HDAC4: variants seen among roughly 807,000 people sequenced by gnomAD.
HDAC4 encodes the protein histone deacetylase A.
A neutral mutation model predicts 135.1 loss-of-function variants in HDAC4; 16 were observed. The observed-to-expected ratio is 0.12, with a 90% CI of 0.08 to 0.18. HDAC4 has a LOEUF of 0.18. Among genes scored for constraint, HDAC4 ranks in the 10% least tolerant of loss-of-function variants. The pLI is 1.00. For missense variants in HDAC4, 1,143 were observed against 1,511.8 expected, an observed-to-expected ratio of 0.76 and a Z score of 4.05; for synonymous variants, 685 against 653.4, an observed-to-expected ratio of 1.05 and a Z score of -0.74.
intron 4 of HDAC4, 35 bp downstream of exon 4, chr2:239,189,798 G>A (rs1372569075): frequency 1.3e-6 from 2 of 1,585,106 alleles, no homozygotes; most frequent in Non-Finnish European, 1.7e-6. Flanking sequence ...GGTGCCGGAG[G>A]CCTGGCCCAC....
chr2:239,111,520 T>C lies in HDAC4; in HGVS notation c.1978+6A>G, dbSNP rs765231275. 4.3e-6 allele frequency: 7 copies of C among 1,611,264 alleles called. No individual in the cohort carries two copies. Among genetic ancestry groups the C allele is most frequent in the Non-Finnish European group, 5.1e-6 (6 of 1,179,414 alleles). On this transcript the variant is annotated splice_donor_region_variant and intron_variant, in intron 14 of 26. Coordinates refer to ENST00000543185, the MANE Select transcript of HDAC4 (RefSeq NM_001378414.1). ...ACCCTCAGGCTGCACAAAGGCCACG[T>C]GTTACCTGTCGTGAACCTCGGCTTG...
In HDAC4 at chr2:239,052,842, C is replaced by T. The variant is rs1216964147; in HGVS notation, c.*255G>A. On this transcript the variant is annotated 3_prime_UTR_variant, in exon 27 of 27. Coordinates refer to ENST00000543185, the MANE Select transcript of HDAC4 (RefSeq NM_001378414.1). ...CCCGCCAGAGTGTGCTTGGCTTCCG[C>T]GTGTCCGTGTGTCTGCGCGTCGCCG... 7 of 548,456 alleles carry T rather than the reference C, an allele frequency of 1.3e-5. No individual in the cohort carries two copies. Among genetic ancestry groups the T allele is most frequent in the East Asian group, 3.0e-5 (1 of 33,088 alleles). The allele number at this position is 548,456 out of a possible 1,614,324, so 34.0% of individuals were successfully genotyped here. A position where few individuals can be genotyped will look rare whatever the true frequency, so the allele number is the denominator to read the frequency against.
rs189016835 is a variant in HDAC4 at position 239,338,320 on chromosome 2, G to C, written c.22+14358C>G. Among the ~76,000 whole-genome samples the C allele has an allele frequency of 2.9e-3, 438 of 152,122 alleles. 1 individual carries two copies. The highest frequency in any genetic ancestry group is 4.9e-3 in the Non-Finnish European group (331 of 68,000). On this transcript the variant is annotated intron_variant, in intron 2 of 26. Transcript: ENST00000543185. ...CCCTCACCACCCTCTAATACAACTG[G>C]GGCAGCGGCAGCCTCTACTCGTTAC...
chr2:239,315,938 A>T (rs2053096817), intron 2 of HDAC4, among the ~76,000 whole-genome samples: 1 of 152,256 alleles, frequency 6.6e-6, no homozygotes, highest in African/African-American at 2.4e-5. Context: ...CATGAGAAAG[A>T]ATGTCAAAAT....
intron 1 of HDAC4, among the ~76,000 whole-genome samples, chr2:239,394,627 A>C (rs1297547439): frequency 6.6e-6 from 1 of 152,222 alleles, no homozygotes; most frequent in East Asian, 1.9e-4. Context: ...TGTAATCTCC[A>C]AAATCAGGAC....
intron 24 of HDAC4, among the ~76,000 whole-genome samples, chr2:239,059,215 G>C (rs2032312144): frequency 6.6e-6 from 1 of 152,166 alleles, no homozygotes; most frequent in African/African-American, 2.4e-5. Flanking sequence ...GCCATTTACA[G>C]CCCTAACTGC....
At chr2:239,101,844 C>G (rs980499407) in intron 16 of HDAC4, among the ~76,000 whole-genome samples, 4 of 151,664 alleles carry the variant, frequency 2.6e-5, no homozygotes, top group Non-Finnish European at 5.9e-5. Flanking sequence ...GCCCCCGGCC[C>G]CGGGTCCGGG....
intron 3 of HDAC4, among the ~76,000 whole-genome samples, chr2:239,230,893 A>G (rs1029480057): frequency 6.6e-6 from 1 of 152,198 alleles, no homozygotes; most frequent in Non-Finnish European, 1.5e-5. Flanking sequence ...AACCGCCACA[A>G]AACACATCTA....
chr2:239,188,194 A>C (rs2044679101), intron 4 of HDAC4, among the ~76,000 whole-genome samples: 1 of 152,204 alleles, frequency 6.6e-6, no homozygotes, highest in Non-Finnish European at 1.5e-5. Flanking sequence ...ATGAGAGGGG[A>C]CATGGAGCTG....
intron 22 of HDAC4, among the ~76,000 whole-genome samples, chr2:239,077,570 T>C (rs1379411493): frequency 6.6e-6 from 1 of 152,276 alleles, no homozygotes; most frequent in Non-Finnish European, 1.5e-5. Flanking sequence ...TTGCTTCTTT[T>C]TGCTTCTCAG....
At position 239,094,999 on chromosome 2, in the gene HDAC4, G is replaced by C; in HGVS notation, c.2280+11C>G. On this transcript the variant is annotated intron_variant, in intron 17 of 26. Coordinates refer to ENST00000543185, the MANE Select transcript of HDAC4 (RefSeq NM_001378414.1). ...AACAGGACATTATTTACACATTAAA[G>C]GAACACTTACCCCAACACCACCGCA... The C allele has an allele frequency of 6.2e-7, 1 of 1,613,944 alleles. No individual in the cohort carries two copies. Among genetic ancestry groups the C allele is most frequent in the Non-Finnish European group, 8.5e-7 (1 of 1,179,972 alleles).
rs2041190703 is a variant in HDAC4, at chr2:239,139,334, G to A, written c.978+350C>T. On this transcript the variant is annotated intron_variant, in intron 9 of 26. Transcript: ENST00000543185. This position sits in a 1 kb window ranked among gnomAD's most constrained non-coding sequence, Gnocchi z 5.3. ...AGCACTGGCGACCACAGCGAGCTGG[G>A]CAGCAGGGATCCTGTCCACCTAGAG... Among the ~76,000 whole-genome samples, 1 of 152,192 alleles carries A rather than the reference G, an allele frequency of 6.6e-6. No homozygotes were observed. The highest frequency in any genetic ancestry group is 2.4e-5 in the African/African-American group (1 of 41,440).
At position 239,061,475 on chromosome 2, in the gene HDAC4, G is replaced by A. The variant is rs564978990; in HGVS notation, c.3003+5247C>T. 2.0e-4 allele frequency among the ~76,000 whole-genome samples: 30 copies of A among 151,486 alleles called. No individual in the cohort carries two copies. The East Asian group carries it at 3.7e-3, about 19-fold the overall frequency. ...GGGTGTGCGTATGTGTGGTGTGTGC[G>A]TGCATGAGAGGGTGCACGTGTGTGC... is the stretch of plus-strand genomic sequence containing the variant. On this transcript the variant is annotated intron_variant, in intron 24 of 26. Coordinates refer to ENST00000543185, the MANE Select transcript of HDAC4 (RefSeq NM_001378414.1).
chr2:239,234,426 C>T (rs574542488), intron 3 of HDAC4, among the ~76,000 whole-genome samples: 4 of 152,226 alleles, frequency 2.6e-5, no homozygotes, highest in South Asian at 2.1e-4. Context: ...TCAAGTCCGG[C>T]GGCTCACCCC....
chr2:239,262,653 T>C lies in HDAC4; in HGVS notation c.23-25989A>G, dbSNP rs1366427820. Among the ~76,000 whole-genome samples the C allele has an allele frequency of 6.6e-6, 1 of 151,706 alleles. No individual in the cohort carries two copies. Among genetic ancestry groups the C allele is most frequent in the Non-Finnish European group, 1.5e-5 (1 of 67,934 alleles). Reference sequence around the variant, plus strand: ...GCAAGAGTGTGGGACCAACGAGACCTGGGCTAGTGCAGGGGTGGGCAGGCA... The same window carrying C: ...GCAAGAGTGTGGGACCAACGAGACCCGGGCTAGTGCAGGGGTGGGCAGGCA... On this transcript the variant is annotated intron_variant, in intron 2 of 26. Coordinates refer to ENST00000543185, the MANE Select transcript of HDAC4 (RefSeq NM_001378414.1). The surrounding 1 kb of genome is among the most constrained non-coding windows in gnomAD (Gnocchi z 4.1).
chr2:239,177,785 A>G (rs1258570196), intron 4 of HDAC4, among the ~76,000 whole-genome samples: 1 of 152,266 alleles, frequency 6.6e-6, no homozygotes, highest in Non-Finnish European at 1.5e-5. Context: ...TTGGGCAGAA[A>G]AGAACAAGAT....
chr2:239,169,919 G>A (rs2043349146), intron 5 of HDAC4, among the ~76,000 whole-genome samples: 3 of 152,206 alleles, frequency 2.0e-5, no homozygotes, highest in African/African-American at 7.2e-5. Flanking sequence ...CCAGGAGCCA[G>A]GGCCATCAGG....
intron 2 of HDAC4, among the ~76,000 whole-genome samples, chr2:239,238,038 C>T (rs1411954215): frequency 6.6e-6 from 1 of 152,162 alleles, no homozygotes; most frequent in Non-Finnish European, 1.5e-5. Flanking sequence ...GCAATCGCCC[C>T]AAGTCTTCAC....
intron 1 of HDAC4, among the ~76,000 whole-genome samples, chr2:239,389,660 C>T (rs1352209336): frequency 6.6e-6 from 1 of 152,158 alleles, no homozygotes; most frequent in Non-Finnish European, 1.5e-5. Context: ...CACACTGAGC[C>T]CACACCAAGA....
Sources: allele counts gnomAD v4.1 joint callset (sites outside exome capture counted in the v4.1 genomes callset), GRCh38; gene constraint gnomAD v4.1.1; non-coding constraint Gnocchi (gnomAD v3.1); transcripts MANE v1.5; gene names NCBI Gene and HGNC (gene_info 2026-07-23, HGNC 2026-07-21).